The following GBX1 variants were observed in gnomAD, a reference collection of about 807,000 sequenced individuals.
GBX1 encodes the protein homeobox protein GBX-1.
GBX1 carries 9 observed loss-of-function variants against 22.9 expected under a neutral mutation model. The ratio of observed to expected loss-of-function variants is 0.39; its 90% CI spans 0.24 to 0.69. The LOEUF is 0.69. Ranked by LOEUF, GBX1 falls within the 30% of genes least tolerant of loss-of-function variation. The pLI is 0.43. For synonymous variants in GBX1, 203 were observed against 227.3 expected (o/e 0.89, Z 0.96); for missense variants, 494 against 509.2 (o/e 0.97, Z 0.29).
At position 151,167,127 on chromosome 7, in the gene GBX1, C is replaced by A. The variant is rs1267465497; in HGVS notation, c.422G>T (p.Gly141Val). The stretch of plus-strand genomic sequence containing the variant: ...TTCCAGCCCACCCTCTGGGCGTCGG[C>A]CGCCTGGCTCGGGGTTGTTTCGGGC... ...TAARNNPEPG[G>V]RRPEGGLEAD... Residue 141 changes from glycine (G) to valine (V), a missense_variant, in exon 1 of 2, where the codon GGC becomes GTC. Gly to Val is a moderately radical substitution (Grantham distance 109). Transcript: ENST00000297537. This position sits in a 1 kb window ranked among gnomAD's most constrained non-coding sequence, Gnocchi z 5.9. 40 of 1,603,176 alleles carry A rather than the reference C, an allele frequency of 2.5e-5. No homozygotes were observed. The highest frequency in any genetic ancestry group is 3.3e-5 in the Non-Finnish European group (39 of 1,176,502).
chr7:151,157,706 C>A (rs1035304853), intron 1 of GBX1, among the ~76,000 whole-genome samples: 1 of 152,140 alleles, frequency 6.6e-6, no homozygotes, highest in African/African-American at 2.4e-5. Context: ...GGTACTGCTT[C>A]CCCGCTACAC....
Position 151,165,907 on chromosome 7 carries a change from C to T in GBX1, c.538+1104G>A, listed in dbSNP as rs553458242. On this transcript the variant is annotated intron_variant, in intron 1 of 1. Transcript: ENST00000297537. The stretch of plus-strand genomic sequence containing the variant: ...CTTGCATTCCCTTCTTGTCTCTGTT[C>T]AAGTCAGCTCCCAGGCCTACTGGGG... Among the ~76,000 whole-genome samples, 4 of 152,326 alleles carry T rather than the reference C, an allele frequency of 2.6e-5. No individual in the cohort carries two copies. The South Asian group carries it at 8.3e-4, about 32-fold the overall frequency.
In GBX1 at chr7:151,148,606, G is replaced by A; in HGVS notation, c.1075C>T (p.Gln359Ter). The change falls in exon 2 of 2, where the codon CAG (glutamine) becomes TAG (stop). Residue 359 changes from glutamine (Q) to a stop codon, truncating the protein, a stop_gained. Transcript: ENST00000297537. LOFTEE classifies it high-confidence loss of function. The surrounding 1 kb of genome is among the most constrained non-coding windows in gnomAD (Gnocchi z 5.1). ...AVRSQHQQME[Q>*]GARP ...GTGCCCATTCAGGGCCGGGCCCCCT[G>A]CTCCATTTGTTGGTGCTGGCTCCGC... 1 of 1,613,700 alleles carries A rather than the reference G, an allele frequency of 6.2e-7. No individual in the cohort carries two copies. The highest frequency in any genetic ancestry group is 8.5e-7 in the Non-Finnish European group (1 of 1,179,666).
At position 151,148,852 on chromosome 7, in the gene GBX1, C is replaced by T; in HGVS notation, c.829G>A (p.Glu277Lys). Reference protein sequence around the residue: ...AFTSEQLLELEKEFHCKKYLS... With the variant: ...AFTSEQLLELKKEFHCKKYLS... ...TATTTCTTGCAATGAAATTCCTTCT[C>T]CAATTCCAAAAGCTGCTCGCTGGTA... The change falls in exon 2 of 2, where the codon GAG becomes AAG. Residue 277 changes from glutamate (E) to lysine (K), a missense_variant. This residue lies in a region of GBX1 where 124 missense variants were observed against 152.0 expected (regional missense o/e 0.82). Coordinates refer to ENST00000297537, the MANE Select transcript of GBX1 (RefSeq NM_001098834.3). This position sits in a 1 kb window ranked among gnomAD's most constrained non-coding sequence, Gnocchi z 5.1. 6.2e-7 allele frequency: 1 copy of T among 1,614,172 alleles called. No homozygotes were observed. The highest frequency in any genetic ancestry group is 8.5e-7 in the Non-Finnish European group (1 of 1,180,034).
Position 151,149,024 on chromosome 7 carries a change from C to T in GBX1, c.657G>A (p.Leu219=). ...SGGDSEDDGF[L]DSSAGGPGAL... is the part of the protein sequence containing the mutation. ...CCCCTGGGCCCCCTGCAGAACTGTCCAGGAAACCGTCATCCTCGCTGTCAC... is the reference window on the plus strand; with the variant it reads ...CCCCTGGGCCCCCTGCAGAACTGTCTAGGAAACCGTCATCCTCGCTGTCAC... The change falls in exon 2 of 2, where the codon CTG becomes CTA. Residue 219 remains leucine (L), a synonymous_variant. Transcript: ENST00000297537. 6.2e-7 allele frequency: 1 copy of T among 1,614,016 alleles called. No individual in the cohort carries two copies. Among genetic ancestry groups the T allele is most frequent in the East Asian group, 2.2e-5 (1 of 44,858 alleles).
chr7:151,165,977 G>A (rs1801245808), intron 1 of GBX1, among the ~76,000 whole-genome samples: 1 of 152,192 alleles, frequency 6.6e-6, no homozygotes, highest in Admixed American at 6.5e-5. Context: ...TTGAGCAGAA[G>A]CGGTTCCATC....
chr7:151,167,153 G>GCAGTGGCGGCGGCGGCC lies in GBX1; in HGVS notation c.395_396insGGCCGCCGCCGCCACTG (p.Arg134AlafsTer109). 6.3e-7 allele frequency: 1 copy of GCAGTGGCGGCGGCGGCC among 1,596,038 alleles called. No individual in the cohort carries two copies. The highest frequency in any genetic ancestry group is 8.5e-7 in the Non-Finnish European group (1 of 1,173,948). On this transcript the variant is annotated frameshift_variant, in exon 1 of 2. Coordinates refer to ENST00000297537, the MANE Select transcript of GBX1 (RefSeq NM_001098834.3). LOFTEE classifies it high-confidence loss of function. This position sits in a 1 kb window ranked among gnomAD's most constrained non-coding sequence, Gnocchi z 5.9. ...CGCCTGGCTCGGGGTTGTTTCGGGC[G>GCAGTGGCGGCGGCGGCC]GCAGTGGCGGCGGCGGCGGCAGCGG...
rs1399164065 is a variant in GBX1 at position 151,167,375 on chromosome 7, C to T, written c.174G>A (p.Pro58=). 4.0e-5 allele frequency: 61 copies of T among 1,511,290 alleles called. No individual in the cohort carries two copies. The highest frequency in any genetic ancestry group is 5.0e-5 in the Non-Finnish European group (57 of 1,132,176). 93.6% of individuals were successfully genotyped at this position (1,511,290 alleles called of 1,614,324 possible). A position where few individuals can be genotyped will look rare whatever the true frequency, so the allele number is the denominator to read the frequency against. Residue 58 remains proline (P), a synonymous_variant, in exon 1 of 2, where the codon CCG becomes CCA. Coordinates refer to ENST00000297537, the MANE Select transcript of GBX1 (RefSeq NM_001098834.3). This position sits in a 1 kb window ranked among gnomAD's most constrained non-coding sequence, Gnocchi z 5.9. ...GCAGCGGCGCAGGGGCCAGCGCCTG[C>T]GGCAGCACGAGCGGCCGGTAGGGCA... ...MFMPYRPLVL[P]QALAPAPLPA...
At chr7:151,166,067 T>C (rs1801246442) in intron 1 of GBX1, among the ~76,000 whole-genome samples, 2 of 152,066 alleles carry the variant, frequency 1.3e-5, no homozygotes, top group South Asian at 4.1e-4. Flanking sequence ...GCCCAGCAAA[T>C]TGTATAAGCT....
chr7:151,166,378 G>A (rs943199371), intron 1 of GBX1, among the ~76,000 whole-genome samples: 6 of 151,786 alleles, frequency 4.0e-5, no homozygotes, highest in Non-Finnish European at 8.8e-5. Flanking sequence ...GCGTGTGCTA[G>A]GCCTCCTGTA....
At chr7:151,156,984 C>CA (rs34479548) in intron 1 of GBX1, among the ~76,000 whole-genome samples, 16,445 of 49,966 alleles carry the variant, frequency 0.33, 3,043 homozygotes, top group East Asian at 0.59. Context: ...GACTCTGTCT[C>CA]AAAAAAAAAA....
intron 1 of GBX1, chr7:151,149,983 G>A: frequency 2.2e-6 from 1 of 455,918 alleles, no homozygotes; most frequent in Non-Finnish European, 4.4e-6. Context: ...CTCAAGTTCA[G>A]AATCCTGAGG....
At chr7:151,163,034 A>T (rs1264639831) in intron 1 of GBX1, among the ~76,000 whole-genome samples, 1 of 152,040 alleles carries the variant, frequency 6.6e-6, no homozygotes, top group Non-Finnish European at 1.5e-5. Flanking sequence ...TGAAACTCCC[A>T]ATCTCAGGTG....
intron 1 of GBX1, among the ~76,000 whole-genome samples, chr7:151,156,295 G>A (rs912351823): frequency 6.9e-6 from 1 of 145,790 alleles, no homozygotes; most frequent in Non-Finnish European, 1.5e-5. Context: ...GCTGAGGTGG[G>A]AGAGTCACTT....
chr7:151,154,355 T>C (rs1034096167), intron 1 of GBX1, among the ~76,000 whole-genome samples: 5 of 152,156 alleles, frequency 3.3e-5, no homozygotes, highest in Non-Finnish European at 5.9e-5. Flanking sequence ...AATAATGAAA[T>C]AATGATTCTG....
At position 151,167,494 on chromosome 7, in the gene GBX1, C is replaced by A. The variant is rs1186148031; in HGVS notation, c.55G>T (p.Gly19Trp). The change falls in exon 1 of 2, where the codon GGG (glycine) becomes TGG (tryptophan). Residue 19 changes from glycine (G) to tryptophan (W), a missense_variant. Physicochemically the swap from Gly to Trp is radical, Grantham distance 184. This residue lies in a region of GBX1 where 365 missense variants were observed against 340.4 expected (regional missense o/e 1.07). Coordinates refer to ENST00000297537, the MANE Select transcript of GBX1 (RefSeq NM_001098834.3). This position sits in a 1 kb window ranked among gnomAD's most constrained non-coding sequence, Gnocchi z 5.9. ...ATGGAGAAGGCAGTGCCCGGGCCCC[C>A]GCCGCCGCCCCCGCCGTTGCCCCCA... ...APGGNGGGGG[G>W]GPGTAFSIDS... The A allele has an allele frequency of 6.7e-7, 1 of 1,485,990 alleles. No individual in the cohort carries two copies. The highest frequency in any genetic ancestry group is 2.4e-5 in the Admixed American group (1 of 42,088). The allele number at this position is 1,485,990 out of a possible 1,614,324, so 92.1% of individuals were successfully genotyped here.
chr7:151,158,299 C>T (rs1224991373), intron 1 of GBX1, among the ~76,000 whole-genome samples: 1 of 152,146 alleles, frequency 6.6e-6, no homozygotes, highest in African/African-American at 2.4e-5. Context: ...CATAAGATTC[C>T]ACCAGTTTGA....
intron 1 of GBX1, 36 bp downstream of exon 1, chr7:151,166,975 G>A (rs752738144): frequency 6.3e-6 from 10 of 1,592,508 alleles, no homozygotes; most frequent in Non-Finnish European, 8.6e-6. Context: ...CAGGTGAACC[G>A]GCCTCCCGCC....
intron 1 of GBX1, among the ~76,000 whole-genome samples, chr7:151,149,464 G>A (rs903542573): frequency 3.0e-4 from 45 of 150,100 alleles, no homozygotes; most frequent in Admixed American, 1.3e-3. Context: ...CATCTCATTC[G>A]CACCCACCAC....
Sources: allele counts gnomAD v4.1 joint callset (sites outside exome capture counted in the v4.1 genomes callset), GRCh38; gene constraint gnomAD v4.1.1; regional missense constraint gnomAD v4.1.1; non-coding constraint Gnocchi (gnomAD v3.1); transcripts MANE v1.5; gene names NCBI Gene and HGNC (gene_info 2026-07-23, HGNC 2026-07-21).